DYNC1I2: variants seen among roughly 807,000 people sequenced by gnomAD.
DYNC1I2 encodes the protein dynein cytoplasmic 1 intermediate chain 2, also known as cytoplasmic dynein 1 intermediate chain 2.
A neutral mutation model predicts 88.6 loss-of-function variants in DYNC1I2; 53 were observed. That is an observed-to-expected ratio of 0.60 (90% CI 0.48 to 0.75). The LOEUF (loss-of-function observed/expected upper bound fraction) is 0.75, where lower values mean the gene tolerates loss of function less well. Ranked by LOEUF, DYNC1I2 falls within the 30% of genes least tolerant of loss-of-function variation. DYNC1I2 has a pLI of 0.00. For synonymous variants in DYNC1I2, 198 were observed against 254.6 expected, an observed-to-expected ratio of 0.78 and a Z score of 2.12; for missense variants, 458 against 766.6, an observed-to-expected ratio of 0.60 and a Z score of 4.75.
At chr2:171,711,428 C>T (rs1394425996) in intron 5 of DYNC1I2, among the ~76,000 whole-genome samples, 1 of 152,128 alleles carries the variant, frequency 6.6e-6, no homozygotes, top group Admixed American at 6.5e-5. Context: ...TCAGTACTGG[C>T]TGTATTTTGA....
chr2:171,692,700 C>A, intron 2 of DYNC1I2, 77 bp from the exon 3 acceptor site: 1 of 939,314 alleles, frequency 1.1e-6, no homozygotes, highest in Non-Finnish European at 1.6e-6. Flanking sequence ...ACAGTGTTAG[C>A]ATATTATTTA....
chr2:171,699,301 C>A (rs972214623), intron 3 of DYNC1I2, among the ~76,000 whole-genome samples: 1 of 151,332 alleles, frequency 6.6e-6, no homozygotes. Context: ...GGTGAGACTC[C>A]GTCTCAAAAA....
rs1689746340 is a variant in DYNC1I2 at position 171,745,928 on chromosome 2, G to A, written c.1803+1G>A. On this transcript the variant is annotated splice_donor_variant, in intron 17 of 17. Coordinates refer to ENST00000397119, the MANE Select transcript of DYNC1I2 (RefSeq NM_001378.3). LOFTEE classifies it high-confidence loss of function. ...GATTGTTATATACGATGTGGGAGAG[G>A]TATGGGACTCCCTGCCTGTAATTTT... 1 of 1,612,694 alleles carries A rather than the reference G, an allele frequency of 6.2e-7. No homozygotes were observed. The highest frequency in any genetic ancestry group is 8.5e-7 in the Non-Finnish European group (1 of 1,179,172).
In DYNC1I2 at chr2:171,739,104, G is replaced by GAA. The variant is rs59094657; in HGVS notation, c.1537-4930_1537-4929dup. 2.3e-3 allele frequency among the ~76,000 whole-genome samples: 176 copies of GAA among 77,258 alleles called. No homozygotes were observed. In the East Asian group the frequency reaches 0.053, roughly 23 times the overall value. 50.7% of individuals were successfully genotyped at this position (77,258 alleles called of 152,430 possible). A position where few individuals can be genotyped will look rare whatever the true frequency, so the allele number is the denominator to read the frequency against. On this transcript the variant is annotated intron_variant, in intron 15 of 17. Coordinates refer to ENST00000397119, the MANE Select transcript of DYNC1I2 (RefSeq NM_001378.3). ...GCACTCTAGCCTGGGCAACAAGAGT[G>GAA]AAAAAAAAAAAAAAAAGAAAACCAC...
intron 7 of DYNC1I2, among the ~76,000 whole-genome samples, chr2:171,722,138 T>C (rs886615316): frequency 4.6e-5 from 7 of 152,184 alleles, no homozygotes; most frequent in African/African-American, 1.4e-4. Context: ...ACAGATGATT[T>C]AACTTTGATT....
intron 7 of DYNC1I2, among the ~76,000 whole-genome samples, chr2:171,716,286 A>G (rs1687487234): frequency 1.3e-5 from 2 of 152,188 alleles, no homozygotes; most frequent in African/African-American, 4.8e-5. Context: ...TTTTGGCAGC[A>G]AAACATATGA....
intron 7 of DYNC1I2, among the ~76,000 whole-genome samples, chr2:171,724,577 C>T (rs1688112482): frequency 6.6e-6 from 1 of 152,198 alleles, no homozygotes; most frequent in African/African-American, 2.4e-5. Flanking sequence ...CATTCTTGAC[C>T]ATTCTTTTGT....
chr2:171,706,014 A>G (rs1686654022), intron 3 of DYNC1I2, among the ~76,000 whole-genome samples: 1 of 152,120 alleles, frequency 6.6e-6, no homozygotes, highest in Admixed American at 6.6e-5. Context: ...GATGTGAGCC[A>G]TCATAATATA....
chr2:171,743,691 G>A (rs1328332098), intron 15 of DYNC1I2, among the ~76,000 whole-genome samples: 1 of 152,218 alleles, frequency 6.6e-6, no homozygotes, highest in Non-Finnish European at 1.5e-5. Context: ...TGCCCTCATT[G>A]CTTTATCTGA....
intron 5 of DYNC1I2, among the ~76,000 whole-genome samples, chr2:171,708,430 G>A (rs1046525130): frequency 6.6e-6 from 1 of 152,088 alleles, no homozygotes; most frequent in African/African-American, 2.4e-5. Flanking sequence ...GGCACATAAA[G>A]CTTGCCAGCT....
chr2:171,718,427 C>G (rs960142008), intron 7 of DYNC1I2, among the ~76,000 whole-genome samples: 1 of 151,746 alleles, frequency 6.6e-6, no homozygotes, highest in African/African-American at 2.4e-5. Context: ...ATGAATATGT[C>G]TCCAAACTTC....
chr2:171,707,773 A>G (rs995117740), intron 5 of DYNC1I2, among the ~76,000 whole-genome samples: 1 of 152,160 alleles, frequency 6.6e-6, no homozygotes, highest in African/African-American at 2.4e-5. Context: ...AATGTAAACA[A>G]TTCTGTTAAA....
chr2:171,705,710 T>C (rs1169992629), intron 3 of DYNC1I2, among the ~76,000 whole-genome samples: 2 of 152,072 alleles, frequency 1.3e-5, no homozygotes, highest in African/African-American at 4.8e-5. Context: ...TCTTCTACTT[T>C]AGATGAAAAT....
chr2:171,722,015 TTATCTTAAATG>T (rs1687936567), intron 7 of DYNC1I2, among the ~76,000 whole-genome samples: 1 of 152,204 alleles, frequency 6.6e-6, no homozygotes, highest in African/African-American at 2.4e-5. Flanking sequence ...TACTCTTAGC[TTATCTTAAATG>T]TATCTTAAAT....
At chr2:171,732,416 T>A (rs1452862341) in intron 15 of DYNC1I2, among the ~76,000 whole-genome samples, 3 of 152,224 alleles carry the variant, frequency 2.0e-5, no homozygotes, top group African/African-American at 7.2e-5. Context: ...ATTTCAGTGC[T>A]TAATATTTGA....
intron 15 of DYNC1I2, among the ~76,000 whole-genome samples, chr2:171,730,682 A>G (rs1688545195): frequency 6.6e-6 from 1 of 152,152 alleles, no homozygotes; most frequent in East Asian, 1.9e-4. Flanking sequence ...ATCTGATTCT[A>G]TTTAAATTAA....
chr2:171,705,299 G>A (rs1416925372), intron 3 of DYNC1I2, among the ~76,000 whole-genome samples: 2 of 151,996 alleles, frequency 1.3e-5, no homozygotes, highest in East Asian at 1.9e-4. Context: ...TGTTGAACTT[G>A]TTCAGTGGAG....
Position 171,693,060 on chromosome 2 carries a change from GTTATT to G in DYNC1I2, c.226+173_226+177del, listed in dbSNP as rs1191418639. Reference sequence around the variant, plus strand: ...TTTTTTTCAGATATGCTAGTACATGGTTATTTTATTTGTTCAAAAGAGCTGCAAGA... The same window carrying G: ...TTTTTTTCAGATATGCTAGTACATGGTTATTTGTTCAAAAGAGCTGCAAGA... On this transcript the variant is annotated intron_variant, in intron 3 of 17. Coordinates refer to ENST00000397119, the MANE Select transcript of DYNC1I2 (RefSeq NM_001378.3). 5.0e-6 allele frequency: 3 copies of G among 599,418 alleles called. No individual in the cohort carries two copies. The African/African-American group carries it at 5.6e-5, about 11-fold the overall frequency. The allele number at this position is 599,418 out of a possible 1,614,324, so 37.1% of individuals were successfully genotyped here.
chr2:171,705,588 GTATTAC>G (rs1686619372), intron 3 of DYNC1I2, among the ~76,000 whole-genome samples: 1 of 152,082 alleles, frequency 6.6e-6, no homozygotes. Context: ...CAACTGTTAA[GTATTAC>G]TCTAGTCCTA....
Sources: allele counts gnomAD v4.1 joint callset (sites outside exome capture counted in the v4.1 genomes callset), GRCh38; gene constraint gnomAD v4.1.1; transcripts MANE v1.5; gene names NCBI Gene and HGNC (gene_info 2026-07-23, HGNC 2026-07-21).